The following RABGAP1 variants were observed in gnomAD, a reference collection of about 807,000 sequenced individuals.
The protein encoded by RABGAP1 is RAB GTPase activating protein 1.
In RABGAP1, 23 loss-of-function variants were observed where a neutral mutation model predicts 137.6. The observed-to-expected ratio is 0.17, with a 90% confidence interval of 0.12 to 0.24. The LOEUF is 0.24. RABGAP1 is among the 10% of genes least tolerant of loss of function. The pLI is 1.00. For missense variants in RABGAP1, 906 were observed against 1,275.8 expected, an observed-to-expected ratio of 0.71 and a Z score of 4.42; for synonymous variants, 451 against 450.7, an observed-to-expected ratio of 1.00 and a Z score of -0.01.
intron 19 of RABGAP1, 63 bp from the exon 20 acceptor site, chr9:123,089,695 C>T (rs777974668): frequency 1.5e-6 from 2 of 1,326,248 alleles, no homozygotes; most frequent in Non-Finnish European, 2.1e-6. Context: ...GTCTTCAGTG[C>T]AGGCACTGAA....
At chr9:123,086,660 TATTG>T (rs2132199348) in intron 19 of RABGAP1, among the ~76,000 whole-genome samples, 1 of 151,776 alleles carries the variant, frequency 6.6e-6, no homozygotes, top group South Asian at 2.1e-4. Context: ...ATGGTGTTTT[TATTG>T]ATTTTGTGTT....
chr9:122,988,585 A>G (rs1836490576), intron 4 of RABGAP1, among the ~76,000 whole-genome samples: 1 of 151,402 alleles, frequency 6.6e-6, no homozygotes, highest in African/African-American at 2.4e-5. Context: ...TCAGTCTGAG[A>G]AAAAGCATCA....
At chr9:122,977,460 A>G (rs1011739040) in intron 2 of RABGAP1, among the ~76,000 whole-genome samples, 1 of 152,194 alleles carries the variant, frequency 6.6e-6, no homozygotes, top group African/African-American at 2.4e-5. Flanking sequence ...TAATCCCAAC[A>G]GGGAGGCCAA....
intron 19 of RABGAP1, among the ~76,000 whole-genome samples, chr9:123,081,791 T>C (rs1217754917): frequency 2.0e-5 from 3 of 152,204 alleles, no homozygotes; most frequent in East Asian, 1.9e-4. Context: ...AGTATTGATA[T>C]AGTTCTTAAA....
At chr9:123,044,381 T>C (rs969376629) in intron 13 of RABGAP1, among the ~76,000 whole-genome samples, 5 of 152,210 alleles carry the variant, frequency 3.3e-5, no homozygotes, top group Non-Finnish European at 5.9e-5. Flanking sequence ...CTATTAATTG[T>C]CTCATTTAAT....
At chr9:123,038,769 T>C (rs1359395177) in intron 13 of RABGAP1, among the ~76,000 whole-genome samples, 2 of 151,448 alleles carry the variant, frequency 1.3e-5, no homozygotes, top group African/African-American at 2.4e-5. Flanking sequence ...ATTATTAATA[T>C]TATGTTGCAG....
At chr9:123,004,938 C>A (rs1564125614) in intron 10 of RABGAP1, among the ~76,000 whole-genome samples, 1 of 151,614 alleles carries the variant, frequency 6.6e-6, no homozygotes, top group Non-Finnish European at 1.5e-5. Context: ...CATCCGTAAT[C>A]CCAGCTACTC....
intron 1 of RABGAP1, among the ~76,000 whole-genome samples, chr9:122,941,851 C>T (rs1219441006): frequency 6.6e-6 from 1 of 152,266 alleles, no homozygotes; most frequent in East Asian, 1.9e-4. Flanking sequence ...ATCATCTGCT[C>T]CTGCGTTTCA....
intron 19 of RABGAP1, among the ~76,000 whole-genome samples, chr9:123,088,154 G>T (rs748392117): frequency 2.0e-5 from 3 of 151,752 alleles, no homozygotes; most frequent in Non-Finnish European, 4.4e-5. Context: ...TGGCTCAAGG[G>T]ATCCTCCCAC....
chr9:123,034,557 T>C lies in RABGAP1; in HGVS notation c.1794+14098T>C, dbSNP rs199876596. On this transcript the variant is annotated intron_variant, in intron 13 of 25. Coordinates refer to ENST00000373647, the MANE Select transcript of RABGAP1 (RefSeq NM_012197.4). ...GCAGCATGAAGTGACAGATCACTCC[T>C]GAGCTCAAGATGAACTCCACCTTGG... 5.2e-4 allele frequency: 824 copies of C among 1,572,666 alleles called. 4 individuals are homozygous for C. The highest frequency in any genetic ancestry group is 4.9e-3 in the South Asian group (418 of 84,694).
intron 2 of RABGAP1, among the ~76,000 whole-genome samples, chr9:122,977,567 G>A (rs763052769): frequency 2.0e-5 from 3 of 152,162 alleles, no homozygotes; most frequent in Non-Finnish European, 2.9e-5. Flanking sequence ...TCAGCTGGGC[G>A]TGATGGCGCA....
At chr9:123,050,116 T>C (rs950042362) in intron 13 of RABGAP1, among the ~76,000 whole-genome samples, 1 of 152,222 alleles carries the variant, frequency 6.6e-6, no homozygotes, top group African/African-American at 2.4e-5. Flanking sequence ...CTCCACACAA[T>C]TATGACCAGA....
At chr9:123,068,130 A>C (rs911719946) in intron 14 of RABGAP1, among the ~76,000 whole-genome samples, 22 of 152,092 alleles carry the variant, frequency 1.4e-4, no homozygotes, top group Non-Finnish European at 2.6e-4. Flanking sequence ...TGGGTGGTTC[A>C]CCTGAGGTCA....
chr9:122,981,111 C>A (rs907911249), intron 2 of RABGAP1, among the ~76,000 whole-genome samples: 1 of 151,994 alleles, frequency 6.6e-6, no homozygotes, highest in African/African-American at 2.4e-5. Flanking sequence ...GATCTTGGCT[C>A]ACTGCAACCT....
chr9:122,950,262 A>T (rs1295480228), intron 1 of RABGAP1, among the ~76,000 whole-genome samples: 1 of 152,082 alleles, frequency 6.6e-6, no homozygotes, highest in Non-Finnish European at 1.5e-5. Flanking sequence ...GTGAAGAAGG[A>T]ATATATTTGG....
rs185383836 is a variant in RABGAP1, at chr9:122,988,899, C to T, written c.591-398C>T. 1.6e-3 allele frequency among the ~76,000 whole-genome samples: 240 copies of T among 149,550 alleles called. 3 individuals are homozygous for T. Among genetic ancestry groups the T allele is most frequent in the Admixed American group, 0.013 (201 of 14,922 alleles). On this transcript the variant is annotated intron_variant, in intron 4 of 25. Coordinates refer to ENST00000373647, the MANE Select transcript of RABGAP1 (RefSeq NM_012197.4). The stretch of plus-strand genomic sequence containing the variant: ...CGGAGGTTGCGGTGAGCTGAGATTG[C>T]GCCATTGCACTCCAGCCTGGGCAAC...
Position 123,103,704 on chromosome 9 carries a change from C to T in RABGAP1, c.*491C>T, listed in dbSNP as rs564698017. 4.8e-4 allele frequency: 69 copies of T among 142,620 alleles called. No individual in the cohort carries two copies. Among genetic ancestry groups the T allele is most frequent in the African/African-American group, 1.6e-3 (62 of 39,042 alleles). The allele number at this position is 142,620 out of a possible 1,614,324, so 8.8% of individuals were successfully genotyped here. A position where few individuals can be genotyped will look rare whatever the true frequency, so the allele number is the denominator to read the frequency against. On this transcript the variant is annotated 3_prime_UTR_variant, in exon 26 of 26. Transcript: ENST00000373647. ...TCTGCTTCAATGCCAGCAGAAGGTCCCCCAGGTAGACATGGAGAAGCACTT... is the reference window on the plus strand; with the variant it reads ...TCTGCTTCAATGCCAGCAGAAGGTCTCCCAGGTAGACATGGAGAAGCACTT...
At chr9:123,002,594 A>G (rs1433119368) in intron 10 of RABGAP1, among the ~76,000 whole-genome samples, 1 of 151,662 alleles carries the variant, frequency 6.6e-6, no homozygotes, top group Non-Finnish European at 1.5e-5. Flanking sequence ...GTATAGAAGA[A>G]TATATCTTTC....
Position 122,996,368 on chromosome 9 carries a change from C to T in RABGAP1, c.1035-171C>T, listed in dbSNP as rs145715045. 2.2e-4 allele frequency: 238 copies of T among 1,089,522 alleles called. No individual in the cohort carries two copies. In the African/African-American group the frequency reaches 3.1e-3, roughly 14 times the overall value. The allele number at this position is 1,089,522 out of a possible 1,614,324, so 67.5% of individuals were successfully genotyped here. A position where few individuals can be genotyped will look rare whatever the true frequency, so the allele number is the denominator to read the frequency against. ...CAACTATGTGGTAATAAAAGGCAAA[C>T]GGAATTAGCTGACCTTGAAGGAAGG... On this transcript the variant is annotated intron_variant, in intron 7 of 25. Coordinates refer to ENST00000373647, the MANE Select transcript of RABGAP1 (RefSeq NM_012197.4).
Sources: allele counts gnomAD v4.1 joint callset (sites outside exome capture counted in the v4.1 genomes callset), GRCh38; gene constraint gnomAD v4.1.1; transcripts MANE v1.5; gene names NCBI Gene and HGNC (gene_info 2026-07-23, HGNC 2026-07-21).